OXR1: variants seen among roughly 807,000 people sequenced by gnomAD.
OXR1 encodes oxidation resistance protein 1.
A neutral mutation model predicts 104.6 loss-of-function variants in OXR1; 41 were observed. The ratio of observed to expected loss-of-function variants is 0.39; its 90% CI spans 0.31 to 0.51. The LOEUF (loss-of-function observed/expected upper bound fraction) is 0.51. Among genes scored for constraint, OXR1 ranks in the 20% least tolerant of loss-of-function variants. The pLI is 0.77. For missense variants in OXR1, 955 were observed against 1,031.9 expected, an observed-to-expected ratio of 0.93 and a Z score of 1.02; for synonymous variants, 348 against 348.4, an observed-to-expected ratio of 1.00 and a Z score of 0.01.
intron 3 of OXR1, among the ~76,000 whole-genome samples, chr8:106,673,838 G>T (rs1376007361): frequency 1.3e-5 from 2 of 152,202 alleles, no homozygotes; most frequent in East Asian, 3.9e-4. Flanking sequence ...AGCCTTGGCG[G>T]TTTACGTGCG....
intron 1 of OXR1, among the ~76,000 whole-genome samples, chr8:106,275,753 T>G (rs1812011042): frequency 1.3e-5 from 2 of 152,128 alleles, no homozygotes; most frequent in South Asian, 4.1e-4. Context: ...ATCAAACACC[T>G]TATGTTGTTC....
intron 15 of OXR1, among the ~76,000 whole-genome samples, chr8:106,742,749 A>G (rs1201951705): frequency 6.6e-6 from 1 of 152,216 alleles, no homozygotes; most frequent in Non-Finnish European, 1.5e-5. Context: ...AGCTATGTGC[A>G]GAAAATTGAA....
At chr8:106,336,426 C>A (rs894241766) in intron 1 of OXR1, among the ~76,000 whole-genome samples, 11 of 152,228 alleles carry the variant, frequency 7.2e-5, no homozygotes, top group Non-Finnish European at 1.3e-4. Context: ...TTATGAATCA[C>A]TCCCTATTGA....
In OXR1 at chr8:106,706,420, C is replaced by A; in HGVS notation, c.899C>A (p.Ser300Ter). 6.3e-7 allele frequency: 1 copy of A among 1,585,578 alleles called. No individual in the cohort carries two copies. The highest frequency in any genetic ancestry group is 1.9e-5 in the Admixed American group (1 of 51,518). The change falls in exon 9 of 17, where the codon TCA becomes TAA. Residue 300 changes from serine to a stop codon, truncating the protein, a stop_gained. Transcript: ENST00000517566. LOFTEE classifies it high-confidence loss of function. ...DQLSGRDFCHSKKMTGSNTEE... is the reference protein window; with the variant it reads ...DQLSGRDFCH ...CTATCAGGAAGGGACTTCTGCCATT[C>A]AAAGAAAATGACAGGAAGTAACACT...
intron 7 of OXR1, among the ~76,000 whole-genome samples, chr8:106,693,802 G>A (rs1000886672): frequency 7.9e-5 from 12 of 152,010 alleles, no homozygotes; most frequent in Non-Finnish European, 1.8e-4. Flanking sequence ...AGAGAATATA[G>A]TAAAGTAATA....
intron 3 of OXR1, among the ~76,000 whole-genome samples, chr8:106,677,711 C>A (rs1231154187): frequency 6.6e-6 from 1 of 151,822 alleles, no homozygotes; most frequent in African/African-American, 2.4e-5. Flanking sequence ...TTTAAGAGTT[C>A]TTTAAATATT....
chr8:106,578,220 A>G (rs1303578346), intron 3 of OXR1, among the ~76,000 whole-genome samples: 1 of 152,168 alleles, frequency 6.6e-6, no homozygotes, highest in African/African-American at 2.4e-5. Flanking sequence ...CTGTATTTTA[A>G]TAATTCCAAC....
At chr8:106,565,214 A>T (rs1385435147) in intron 3 of OXR1, among the ~76,000 whole-genome samples, 1 of 152,228 alleles carries the variant, frequency 6.6e-6, no homozygotes, top group Admixed American at 6.5e-5. Flanking sequence ...ACATGATTGT[A>T]TATTTAGAAA....
chr8:106,391,193 A>G (rs1051716300), intron 2 of OXR1, among the ~76,000 whole-genome samples: 1 of 152,218 alleles, frequency 6.6e-6, no homozygotes. Flanking sequence ...TTGAATCATG[A>G]GGATTCATTA....
intron 3 of OXR1, among the ~76,000 whole-genome samples, chr8:106,674,587 C>T (rs1827373316): frequency 6.6e-6 from 1 of 152,046 alleles, no homozygotes; most frequent in South Asian, 2.1e-4. Context: ...GTGAAAGGGA[C>T]ATGAAATTTG....
chr8:106,272,065 G>A (rs1811842134), intron 1 of OXR1: 2 of 152,222 alleles, frequency 1.3e-5, no homozygotes, highest in African/African-American at 4.8e-5. Flanking sequence ...CTCTGGTGGG[G>A]GCCTCCCTGG....
At chr8:106,298,943 CTA>C (rs926649468) in intron 1 of OXR1, among the ~76,000 whole-genome samples, 10 of 136,868 alleles carry the variant, frequency 7.3e-5, no homozygotes, top group East Asian at 2.1e-4. Context: ...GTGTGTGTGT[CTA>C]TGTGTATTTT....
chr8:106,335,688 T>G (rs1468990444), intron 1 of OXR1, among the ~76,000 whole-genome samples: 2 of 152,190 alleles, frequency 1.3e-5, no homozygotes, highest in African/African-American at 4.8e-5. Flanking sequence ...ATCTAAGTTA[T>G]AATTCTCTGG....
intron 3 of OXR1, among the ~76,000 whole-genome samples, chr8:106,560,805 G>T (rs1413882896): frequency 6.6e-6 from 1 of 152,190 alleles, no homozygotes; most frequent in Non-Finnish European, 1.5e-5. Context: ...TCCAATGGAG[G>T]TACCGAGTTC....
chr8:106,681,035 C>T (rs1032704751), intron 4 of OXR1, among the ~76,000 whole-genome samples: 5 of 152,176 alleles, frequency 3.3e-5, no homozygotes, highest in Admixed American at 6.5e-5. Flanking sequence ...TCTTTCTTTA[C>T]ATTTTTATTA....
intron 2 of OXR1, among the ~76,000 whole-genome samples, chr8:106,494,057 C>A (rs1811267416): frequency 1.3e-5 from 2 of 152,146 alleles, no homozygotes; most frequent in Non-Finnish European, 2.9e-5. Context: ...GAGTTTAAAT[C>A]TCTGAAAATT....
intron 1 of OXR1, among the ~76,000 whole-genome samples, chr8:106,339,510 AAAAAAAAAAATATATATATATATAT>A (rs1490027221): frequency 1.7e-4 from 8 of 48,226 alleles, no homozygotes; most frequent in African/African-American, 1.3e-4. Context: ...AAAAAAAAAA[AAAAAAAAAAATATATATATATATAT>A]ATATATATAT....
chr8:106,372,419 T>C (rs571763000), intron 2 of OXR1, among the ~76,000 whole-genome samples: 25 of 151,740 alleles, frequency 1.6e-4, no homozygotes, highest in East Asian at 7.7e-4. Context: ...TTTTTTTTTT[T>C]CGATGGCAGC....
chr8:106,557,776 G>A (rs1038221534), intron 3 of OXR1, among the ~76,000 whole-genome samples: 2 of 152,174 alleles, frequency 1.3e-5, no homozygotes, highest in African/African-American at 4.8e-5. Flanking sequence ...CCTATGCAGG[G>A]TTAAAGGCCA....
Sources: gnomAD v4.1 joint callset for allele counts (sites outside exome capture counted in the v4.1 genomes callset) on GRCh38, gnomAD v4.1.1 for gene constraint, MANE v1.5 for transcripts, NCBI Gene and HGNC (gene_info 2026-07-23, HGNC 2026-07-21) for gene names.